Variants in LIPC observed in about 807,000 individuals in gnomAD.
LIPC encodes lipase C, hepatic type, also known as hepatic triacylglycerol lipase.
In LIPC, 44 loss-of-function variants were observed where a neutral mutation model predicts 50.7. The ratio of observed to expected loss-of-function variants is 0.87; its 90% CI spans 0.68 to 1.11. The LOEUF (loss-of-function observed/expected upper bound fraction) is 1.11. LIPC is among the 50% of genes most tolerant of loss of function. The probability of loss-of-function intolerance (pLI) is 0.00; values close to 1 mark genes in which losing one functional copy is unlikely to be tolerated. For synonymous variants in LIPC, 271 were observed against 256.4 expected, an observed-to-expected ratio of 1.06 and a Z score of -0.54; for missense variants, 697 against 648.2, an observed-to-expected ratio of 1.08 and a Z score of -0.82.
At chr15:58,449,334 G>C (rs1156900809) in intron 1 of LIPC, among the ~76,000 whole-genome samples, 2 of 152,166 alleles carry the variant, frequency 1.3e-5, no homozygotes, top group African/African-American at 2.4e-5. Context: ...CAGCAGAGGT[G>C]CATCTCTCTC....
At chr15:58,548,068 C>T (rs925992494) in intron 5 of LIPC, among the ~76,000 whole-genome samples, 11 of 152,124 alleles carry the variant, frequency 7.2e-5, no homozygotes, top group African/African-American at 1.4e-4. Flanking sequence ...TACTGTAACA[C>T]GCTGTCATAA....
intron 1 of LIPC, among the ~76,000 whole-genome samples, chr15:58,469,884 T>G (rs1201923681): frequency 6.6e-6 from 1 of 152,050 alleles, no homozygotes; most frequent in East Asian, 1.9e-4. Context: ...GCACGTCACA[T>G]TTTTCTCAAT....
chr15:58,457,089 C>T (rs1341473393), intron 1 of LIPC, among the ~76,000 whole-genome samples: 3 of 152,116 alleles, frequency 2.0e-5, no homozygotes, highest in African/African-American at 7.2e-5. Flanking sequence ...GGCTGAGCAG[C>T]CCTTGGCTTC....
At chr15:58,544,205 C>G (rs548340598) in intron 4 of LIPC, among the ~76,000 whole-genome samples, 9 of 152,092 alleles carry the variant, frequency 5.9e-5, no homozygotes, top group African/African-American at 1.9e-4. Flanking sequence ...CCACACCCAG[C>G]GAGGCAGCCT....
rs549582816 is a variant in LIPC, at chr15:58,491,244, T to C, written c.89-47089T>C. On this transcript the variant is annotated intron_variant, in intron 1 of 8. Transcript: ENST00000299022. ...AAATGACAGCACCTGCCAAACACAA[T>C]AGGGAAATAGTTAGTCCAGCCAGGC... is the stretch of plus-strand genomic sequence containing the variant. Among the ~76,000 whole-genome samples the C allele has an allele frequency of 2.4e-4, 36 of 151,802 alleles. 1 individual carries two copies. The highest frequency in any genetic ancestry group is 7.9e-4 in the Admixed American group (12 of 15,256).
At chr15:58,480,940 C>T (rs953164717) in intron 1 of LIPC, among the ~76,000 whole-genome samples, 6 of 152,078 alleles carry the variant, frequency 3.9e-5, no homozygotes, top group Admixed American at 1.3e-4. Context: ...CCAGAGACTT[C>T]GGTTCCTGGT....
At chr15:58,481,322 A>G (rs1891182292) in intron 1 of LIPC, among the ~76,000 whole-genome samples, 1 of 152,252 alleles carries the variant, frequency 6.6e-6, no homozygotes. Context: ...ATGTCCTTTG[A>G]CACAGTAATT....
intron 1 of LIPC, among the ~76,000 whole-genome samples, chr15:58,523,919 G>C (rs908384032): frequency 6.6e-6 from 1 of 152,170 alleles, no homozygotes; most frequent in Non-Finnish European, 1.5e-5. Context: ...AACAGAGCCA[G>C]AACTTGTCTC....
At chr15:58,528,967 G>T (rs1258965457) in intron 1 of LIPC, among the ~76,000 whole-genome samples, 1 of 152,118 alleles carries the variant, frequency 6.6e-6, no homozygotes, top group Non-Finnish European at 1.5e-5. Flanking sequence ...GAGGTAGGTG[G>T]CTCTGGGCTG....
At position 58,565,973 on chromosome 15, in the gene LIPC, C is replaced by G. The variant is rs1038973113; in HGVS notation, c.1388+2250C>G. On this transcript the variant is annotated intron_variant, in intron 8 of 8. Coordinates refer to ENST00000299022, the MANE Select transcript of LIPC (RefSeq NM_000236.3). ...GGTAGAAATAAACTCCAGGACCTAA[C>G]CAGGAAAATAAGATGAATTAATTTT... 1.4e-5 allele frequency: 14 copies of G among 983,962 alleles called. No individual in the cohort carries two copies. The African/African-American group carries it at 1.6e-4, about 11-fold the overall frequency. 61.0% of individuals were successfully genotyped at this position (983,962 alleles called of 1,614,324 possible). A position where few individuals can be genotyped will look rare whatever the true frequency, so the allele number is the denominator to read the frequency against.
intron 1 of LIPC, among the ~76,000 whole-genome samples, chr15:58,523,537 G>C (rs1232667379): frequency 6.7e-6 from 1 of 148,952 alleles, no homozygotes; most frequent in East Asian, 1.9e-4. Flanking sequence ...GCATGAAGGG[G>C]CTGCAGGGGT....
At chr15:58,478,233 C>G (rs1194830092) in intron 1 of LIPC, among the ~76,000 whole-genome samples, 5 of 152,222 alleles carry the variant, frequency 3.3e-5, no homozygotes, top group South Asian at 2.1e-4. Flanking sequence ...TCTCACATTT[C>G]TTTTTTTGTT....
At chr15:58,505,855 C>A (rs959231464) in intron 1 of LIPC, among the ~76,000 whole-genome samples, 3 of 152,226 alleles carry the variant, frequency 2.0e-5, no homozygotes, top group African/African-American at 7.2e-5. Context: ...CATTAGGGGA[C>A]TGCACTGACG....
At chr15:58,475,055 C>G (rs1411748907) in intron 1 of LIPC, among the ~76,000 whole-genome samples, 4 of 152,224 alleles carry the variant, frequency 2.6e-5, no homozygotes, top group Non-Finnish European at 5.9e-5. Context: ...CCTGAGAGGC[C>G]TTCCCCAAGT....
rs771318884 is a variant in LIPC, at chr15:58,568,782, G to A, written c.1455G>A (p.Val485=). Residue 485 remains valine (V), a synonymous_variant, in exon 9 of 9, where the codon GTG becomes GTA. Transcript: ENST00000299022. ...GCCCAACCCAGGAAAAAATCTTCGTGAAATGTGAAATAAAGTCTAAAACAT... is the reference window on the plus strand; with the variant it reads ...GCCCAACCCAGGAAAAAATCTTCGTAAAATGTGAAATAAAGTCTAAAACAT... The part of the protein sequence containing the change: ...LLRPTQEKIF[V]KCEIKSKTSK... 1 of 1,610,842 alleles carries A rather than the reference G, an allele frequency of 6.2e-7. No homozygotes were observed. The highest frequency in any genetic ancestry group is 2.2e-5 in the East Asian group (1 of 44,760).
At chr15:58,446,403 TTAAAAA>T (rs1214470887) in intron 1 of LIPC, among the ~76,000 whole-genome samples, 1 of 152,082 alleles carries the variant, frequency 6.6e-6, no homozygotes, top group Admixed American at 6.6e-5. Flanking sequence ...CCTCAGAAAA[TTAAAAA>T]TAATTTTATA....
intron 1 of LIPC, among the ~76,000 whole-genome samples, chr15:58,488,727 T>A (rs1162054371): frequency 6.6e-6 from 1 of 152,178 alleles, no homozygotes; most frequent in Non-Finnish European, 1.5e-5. Context: ...CTATCCAGTC[T>A]TAAGGTAAAA....
chr15:58,436,813 G>C (rs997816432), intron 1 of LIPC: 1 of 456,102 alleles, frequency 2.2e-6, no homozygotes, highest in Non-Finnish European at 4.4e-6. Flanking sequence ...GATGGTATCC[G>C]GACAGAAGAG....
At chr15:58,568,377 A>C (rs1352759260) in intron 8 of LIPC, among the ~76,000 whole-genome samples, 1 of 152,228 alleles carries the variant, frequency 6.6e-6, no homozygotes. Flanking sequence ...GTTTGCCCTG[A>C]AGTCAAGGCA....
Sources: allele counts gnomAD v4.1 joint callset (sites outside exome capture counted in the v4.1 genomes callset), GRCh38; gene constraint gnomAD v4.1.1; transcripts MANE v1.5; gene names NCBI Gene and HGNC (gene_info 2026-07-23, HGNC 2026-07-21).